ING5: variants seen among roughly 807,000 people sequenced by gnomAD.
The protein encoded by ING5 is inhibitor of growth protein 5.
In ING5, 17 loss-of-function variants were observed where a neutral mutation model predicts 37.4. The observed-to-expected ratio is 0.45, with a 90% CI of 0.31 to 0.68. The LOEUF (loss-of-function observed/expected upper bound fraction) is 0.68. Ranked by LOEUF, ING5 falls within the 30% of genes least tolerant of loss-of-function variation. The pLI, the probability that ING5 is intolerant of heterozygous loss-of-function variation, is 0.05. For missense variants in ING5, 233 were observed against 311.9 expected (o/e 0.75, Z 1.91); for synonymous variants, 123 against 116.6 (o/e 1.06, Z -0.36).
chr2:241,701,656 G>A (rs1011665155), upstream of ING5, among the ~76,000 whole-genome samples: 2 of 152,176 alleles, frequency 1.3e-5, no homozygotes, highest in Admixed American at 1.3e-4. Context: ...TCCGGGACCC[G>A]GCCGGGAGCA....
intron 7 of ING5, chr2:241,724,526 C>A: frequency 5.6e-6 from 1 of 180,012 alleles, no homozygotes; most frequent in African/African-American, 2.4e-5. Flanking sequence ...GTGCGTGCAG[C>A]TCCAGAACTT....
upstream of ING5, among the ~76,000 whole-genome samples, chr2:241,701,174 G>C (rs915033283): frequency 2.0e-5 from 3 of 149,400 alleles, no homozygotes; most frequent in African/African-American, 7.4e-5. Flanking sequence ...ACGTTGGCCA[G>C]GCTGGTCTCA....
At chr2:241,711,793 C>T (rs959162115) in intron 4 of ING5, among the ~76,000 whole-genome samples, 185 bp from the exon 5 acceptor site, 13 of 151,902 alleles carry the variant, frequency 8.6e-5, no homozygotes, top group Admixed American at 3.3e-4. Context: ...CCCAGCTACT[C>T]GGGAGGCTGA....
rs1363308450 is a variant in ING5, at chr2:241,713,372, T to G, written c.482+1301T>G. 8.4e-5 allele frequency among the ~76,000 whole-genome samples: 12 copies of G among 142,420 alleles called. No individual in the cohort carries two copies. In the South Asian group the frequency reaches 1.2e-3, roughly 14 times the overall value. The allele number at this position is 142,420 out of a possible 152,430, so 93.4% of individuals were successfully genotyped here. On this transcript the variant is annotated intron_variant, in intron 5 of 7. Transcript: ENST00000313552. ...CACACCCGACCCAATTTTCAGTTTTTTTTTTTTTTTTTTTTTGAGATGGAG... is the reference window on the plus strand; with the variant it reads ...CACACCCGACCCAATTTTCAGTTTTGTTTTTTTTTTTTTTTTGAGATGGAG...
At chr2:241,688,926 C>A (rs1559292459) in intron 1 of ING5, among the ~76,000 whole-genome samples, 1 of 151,808 alleles carries the variant, frequency 6.6e-6, no homozygotes, top group Admixed American at 6.6e-5. Context: ...AGCCTCCCCA[C>A]TAGCTGGGAC....
rs374733865 is a variant in ING5, at chr2:241,722,966, C to T, written c.510C>T (p.Ser170=). 2.3e-5 allele frequency: 37 copies of T among 1,614,010 alleles called. No individual in the cohort carries two copies. The highest frequency in any genetic ancestry group is 8.8e-5 in the South Asian group (8 of 91,088). The change falls in exon 6 of 8, where the codon TCC becomes TCT. Residue 170 remains serine, a synonymous_variant. Coordinates refer to ENST00000313552, the MANE Select transcript of ING5 (RefSeq NM_032329.6). ...CTGAGTTCACTGACACCATCCTGTC[C>T]GTGCACCCCTCTGATGTGCTGGACA... ...GGSEFTDTIL[S]VHPSDVLDMP...
In ING5 at chr2:241,727,285, TTG is replaced by T. The variant is rs536409600; in HGVS notation, c.*2276_*2277del. ...ACTTAACTTTTTGTTAGCACAGGTT[TTG>T]TGTGTGTGTGTGTGTGTGTGTTTTG... On this transcript the variant is annotated 3_prime_UTR_variant, in exon 8 of 8. Transcript: ENST00000313552. The T allele has an allele frequency of 1.3e-3, 198 of 149,906 alleles. No individual in the cohort carries two copies. The East Asian group carries it at 0.025, about 19-fold the overall frequency. The allele number at this position is 149,906 out of a possible 1,614,324, so 9.3% of individuals were successfully genotyped here.
At chr2:241,724,609 C>T (rs985753545) in intron 7 of ING5, 5 of 251,002 alleles carry the variant, frequency 2.0e-5, no homozygotes, top group South Asian at 6.0e-5. Context: ...GCTGGGTTTC[C>T]GTGGGCCTGA....
At chr2:241,714,788 G>A (rs575127723) in intron 5 of ING5, among the ~76,000 whole-genome samples, 40 of 151,944 alleles carry the variant, frequency 2.6e-4, no homozygotes, top group African/African-American at 8.7e-4. Flanking sequence ...TAGAGACAGG[G>A]TTTCATCATG....
chr2:241,701,263 T>C (rs1467152843), upstream of ING5, among the ~76,000 whole-genome samples: 1 of 152,110 alleles, frequency 6.6e-6, no homozygotes, highest in African/African-American at 2.4e-5. Flanking sequence ...CGCGCCGGCC[T>C]TCTCCAGTAT....
intron 3 of ING5, among the ~76,000 whole-genome samples, chr2:241,710,849 A>G (rs2070086694): frequency 6.6e-6 from 1 of 151,836 alleles, no homozygotes. Context: ...CTGACCTCAA[A>G]TGATCCACCT....
rs545213747 is a variant in ING5, at chr2:241,723,343, A to G, written c.680+72A>G. 8.6e-6 allele frequency: 13 copies of G among 1,504,264 alleles called. No individual in the cohort carries two copies. In the East Asian group the frequency reaches 2.3e-4, roughly 26 times the overall value. The allele number at this position is 1,504,264 out of a possible 1,614,324, so 93.2% of individuals were successfully genotyped here. On this transcript the variant is annotated intron_variant, in intron 7 of 7. Coordinates refer to ENST00000313552, the MANE Select transcript of ING5 (RefSeq NM_032329.6). ...TTGCGCTGCTGGCCTCCCCAGGAGAAGGTGCTCCATGGCAGAATCTTGCCG... is the reference window on the plus strand; with the variant it reads ...TTGCGCTGCTGGCCTCCCCAGGAGAGGGTGCTCCATGGCAGAATCTTGCCG...
chr2:241,691,459 A>G (rs1387230135), intron 2 of ING5, among the ~76,000 whole-genome samples: 2 of 131,596 alleles, frequency 1.5e-5, no homozygotes, highest in Non-Finnish European at 3.0e-5. Context: ...AACAAAAACA[A>G]AAAAACTGAA....
chr2:241,712,155 C>T, intron 5 of ING5, 84 bp downstream of exon 5: 2 of 1,139,524 alleles, frequency 1.8e-6, no homozygotes, highest in Non-Finnish European at 2.5e-6. Context: ...TGGAAGCTGA[C>T]CCGAGTGAAG....
upstream of ING5, among the ~76,000 whole-genome samples, chr2:241,699,575 A>G (rs781719774): frequency 6.6e-6 from 1 of 151,962 alleles, no homozygotes; most frequent in Non-Finnish European, 1.5e-5. Flanking sequence ...AGCTGGCTTA[A>G]TATCTTTAAA....
At position 241,726,596 on chromosome 2, in the gene ING5, C is replaced by T. The variant is rs1691630015; in HGVS notation, c.*1565C>T. On this transcript the variant is annotated 3_prime_UTR_variant, in exon 8 of 8. Transcript: ENST00000313552. ...CCGAGGGTGTGGGTGGGAGTGGATCCTCCGGGCGCAGGTGCCAGGCAGGTG... is the reference window on the plus strand; with the variant it reads ...CCGAGGGTGTGGGTGGGAGTGGATCTTCCGGGCGCAGGTGCCAGGCAGGTG... 2 of 152,552 alleles carry T rather than the reference C, an allele frequency of 1.3e-5. No individual in the cohort carries two copies. Among genetic ancestry groups the T allele is most frequent in the East Asian group, 1.9e-4 (1 of 5,178 alleles). 9.4% of individuals were successfully genotyped at this position (152,552 alleles called of 1,614,324 possible).
At chr2:241,696,219 G>A (rs1354193201) in intron 2 of ING5, among the ~76,000 whole-genome samples, 23 of 151,628 alleles carry the variant, frequency 1.5e-4, no homozygotes, top group Admixed American at 1.2e-3. Context: ...GTGAAACCCC[G>A]TGTCTACTAA....
chr2:241,709,557 T>TG (rs2070040267), intron 3 of ING5, among the ~76,000 whole-genome samples, 175 bp downstream of exon 3: 1 of 147,966 alleles, frequency 6.8e-6, no homozygotes, highest in South Asian at 2.2e-4. Context: ...CCATCCCTGT[T>TG]TTTTTTTTTT....
At chr2:241,717,696 CT>C (rs371435124) in intron 5 of ING5, among the ~76,000 whole-genome samples, 13,115 of 134,206 alleles carry the variant, frequency 0.098, 1,359 homozygotes, top group African/African-American at 0.27. Context: ...TTGGTGGTTT[CT>C]TTTTTTTTTT....
Sources: allele counts gnomAD v4.1 joint callset (sites outside exome capture counted in the v4.1 genomes callset), GRCh38; gene constraint gnomAD v4.1.1; transcripts MANE v1.5; gene names NCBI Gene and HGNC (gene_info 2026-07-23, HGNC 2026-07-21).